Variants in ZNF568 observed in about 807,000 individuals in gnomAD.
The protein encoded by ZNF568 is zinc finger protein 568.
A neutral mutation model predicts 18.1 loss-of-function variants in ZNF568; 11 were observed. The ratio of observed to expected loss-of-function variants is 0.61; its 90% CI spans 0.38 to 1.00. The LOEUF is 1.00. Among genes scored for constraint, ZNF568 ranks in the 50% least tolerant of loss-of-function variants. ZNF568 has a pLI of 0.01. For missense variants in ZNF568, 639 were observed against 768.2 expected (o/e 0.83, Z 1.99); for synonymous variants, 213 against 246.6 (o/e 0.86, Z 1.28).
chr19:36,958,862 C>G lies in ZNF568; in HGVS notation c.359-15558C>G, dbSNP rs1479621089. Among the ~76,000 whole-genome samples the G allele has an allele frequency of 2.0e-5, 3 of 151,900 alleles. No individual in the cohort carries two copies. The East Asian group carries it at 5.8e-4, about 29-fold the overall frequency. On this transcript the variant is annotated intron_variant, in intron 6 of 7. Transcript: ENST00000427117. Reference sequence around the variant, plus strand: ...TCTCAAACTCCTGACCTCAAGTGATCGAACCTCCTCGGCCTCCCAAAGTGC... The same window carrying G: ...TCTCAAACTCCTGACCTCAAGTGATGGAACCTCCTCGGCCTCCCAAAGTGC...
rs200880642 is a variant in ZNF568 at position 36,933,898 on chromosome 19, G to GTTTTTTTT, written c.136-2848_136-2847insTTTTTTTT. 3.9e-4 allele frequency among the ~76,000 whole-genome samples: 10 copies of GTTTTTTTT among 25,768 alleles called. 1 individual carries two copies. The highest frequency in any genetic ancestry group is 2.0e-3 in the African/African-American group (7 of 3,560). 16.9% of individuals were successfully genotyped at this position (25,768 alleles called of 152,430 possible). A position where few individuals can be genotyped will look rare whatever the true frequency, so the allele number is the denominator to read the frequency against. On this transcript the variant is annotated intron_variant, in intron 4 of 6. Transcript: ENST00000333987. ...TAGGCCTGAGTTTTTCTTTTGGGTA[G>GTTTTTTTT]GTTTTTTTTTTTGTTTTGTTTTTTT... is the stretch of plus-strand genomic sequence containing the variant.
Position 36,951,001 on chromosome 19 carries a change from T to A in ZNF568, c.1848T>A (p.Cys616Ter). 6.2e-7 allele frequency: 1 copy of A among 1,613,294 alleles called. No individual in the cohort carries two copies. The highest frequency in any genetic ancestry group is 8.5e-7 in the Non-Finnish European group (1 of 1,179,724). Residue 616 changes from cysteine to a stop codon, truncating the protein, a stop_gained, in exon 7 of 7, where the codon TGT becomes TGA. Coordinates refer to ENST00000333987, the MANE Select transcript of ZNF568 (RefSeq NM_198539.4). LOFTEE classifies it low-confidence loss of function (END_TRUNC). ...ATACTGGTGAGAAACCCTTTGAATG[T>A]AATGAATGTGGGAAAGCATTCTCTC... ...RSHTGEKPFE[C>*]NECGKAFSQR...
At position 36,949,888 on chromosome 19, in the gene ZNF568, T is replaced by C; in HGVS notation, c.735T>C (p.Ala245=). 6.2e-7 allele frequency: 1 copy of C among 1,613,924 alleles called. No homozygotes were observed. Among genetic ancestry groups the C allele is most frequent in the African/African-American group, 1.3e-5 (1 of 75,040 alleles). ...TCATTAGACATGAGCGAATTCATGC[T>C]GGAGAGAAACCTTACGAATGTAAAG... The part of the protein sequence containing the change: ...FDLIRHERIH[A]GEKPYECKEC... Residue 245 remains alanine (A), a synonymous_variant, in exon 7 of 7, where the codon GCT becomes GCC. Coordinates refer to ENST00000333987, the MANE Select transcript of ZNF568 (RefSeq NM_198539.4).
At chr19:36,991,618 A>G in intron 3 of ZNF568, 1 of 708,926 alleles carries the variant, frequency 1.4e-6, no homozygotes, top group Non-Finnish European at 2.2e-6. Context: ...ATTAATGTTG[A>G]TTTATTGTGG....
chr19:36,957,081 A>G (rs1216623731), downstream of ZNF568, among the ~76,000 whole-genome samples: 24 of 152,104 alleles, frequency 1.6e-4, 1 homozygote, highest in Admixed American at 1.6e-3. Context: ...CTGGGTTCTC[A>G]TATCTGCTTC....
chr19:36,937,869 T>C (rs1366749781), intron 6 of ZNF568, among the ~76,000 whole-genome samples: 1 of 152,198 alleles, frequency 6.6e-6, no homozygotes, highest in African/African-American at 2.4e-5. Flanking sequence ...TGAAAAGATA[T>C]AACCAATGTA....
At chr19:36,952,915 A>G (rs1397167638), downstream of ZNF568, among the ~76,000 whole-genome samples, 4 of 152,218 alleles carry the variant, frequency 2.6e-5, no homozygotes, top group African/African-American at 9.6e-5. Flanking sequence ...TTATTATATA[A>G]TGTGAAATTA....
chr19:36,977,427 G>GT (rs2074295356), intron 7 of ZNF568, among the ~76,000 whole-genome samples: 1 of 135,138 alleles, frequency 7.4e-6, no homozygotes, highest in South Asian at 2.3e-4. Context: ...GTTTTGTTTT[G>GT]TTTTTTGTCC....
intron 6 of ZNF568, among the ~76,000 whole-genome samples, chr19:36,948,956 A>G (rs1274267788): frequency 1.3e-5 from 2 of 152,022 alleles, no homozygotes; most frequent in African/African-American, 4.8e-5. Context: ...TTGCATCTTC[A>G]TGATACTTTG....
At chr19:36,989,324 A>G (rs1210443666) in intron 2 of ZNF568, among the ~76,000 whole-genome samples, 1 of 152,134 alleles carries the variant, frequency 6.6e-6, no homozygotes, top group Non-Finnish European at 1.5e-5. Context: ...CTGGGATTAC[A>G]GGCACGTGCC....
chr19:36,996,942 T>C, exon 5 of ZNF568: 3 of 1,537,650 alleles, frequency 2.0e-6, no homozygotes, highest in Non-Finnish European at 2.6e-6. Context: ...AGAGGATCCA[T>C]ACTGATGAGA....
chr19:36,957,062 A>T (rs572265248), downstream of ZNF568, among the ~76,000 whole-genome samples: 1 of 152,272 alleles, frequency 6.6e-6, no homozygotes, highest in South Asian at 2.1e-4. Context: ...ATTACTTAAA[A>T]GTAGACAGCT....
At chr19:36,997,564 G>A (rs760468126), downstream of ZNF568, 1 of 1,584,304 alleles carries the variant, frequency 6.3e-7, no homozygotes, top group Non-Finnish European at 8.6e-7. Flanking sequence ...TAAGGAGTGT[G>A]GGAAGCCCTT....
Position 36,951,293 on chromosome 19 carries a change from C to A in ZNF568, c.*205C>A. The A allele has an allele frequency of 2.5e-6, 1 of 396,676 alleles. No individual in the cohort carries two copies. Among genetic ancestry groups the A allele is most frequent in the Non-Finnish European group, 4.3e-6 (1 of 231,158 alleles). The allele number at this position is 396,676 out of a possible 1,614,324, so 24.6% of individuals were successfully genotyped here. A position where few individuals can be genotyped will look rare whatever the true frequency, so the allele number is the denominator to read the frequency against. ...ATTCTGAAAATCTATAGACTGAATG[C>A]AGTTCCAAACAAAATCAACTAAGAA... is the stretch of plus-strand genomic sequence containing the variant. On this transcript the variant is annotated 3_prime_UTR_variant, in exon 7 of 7. Coordinates refer to ENST00000333987, the MANE Select transcript of ZNF568 (RefSeq NM_198539.4).
chr19:36,963,777 G>C (rs1006439129), intron 6 of ZNF568, among the ~76,000 whole-genome samples: 11 of 152,022 alleles, frequency 7.2e-5, no homozygotes, highest in African/African-American at 2.4e-4. Flanking sequence ...GACCATCCTA[G>C]CCAACATGGT....
intron 7 of ZNF568, among the ~76,000 whole-genome samples, chr19:36,974,883 G>C (rs181283293): frequency 1.1e-3 from 159 of 141,682 alleles, no homozygotes; most frequent in African/African-American, 4.1e-3. Flanking sequence ...CTGGAGTGCA[G>C]TGGTGTGATC....
At position 36,925,254 on chromosome 19, in the gene ZNF568, C is replaced by T. The variant is rs1568379987; in HGVS notation, c.131C>T (p.Pro44Leu). Reference sequence around the variant, plus strand: ...GAGGAAGAAGAGGATACAACCAGGCCTCTTGTACGTCTTAAGCATTTATTT... The same window carrying T: ...GAGGAAGAAGAGGATACAACCAGGCTTCTTGTACGTCTTAAGCATTTATTT... Reference protein sequence around the residue: ...LSEEEEDTTRPLETVTFKDVA... With the variant: ...LSEEEEDTTRLLETVTFKDVA... The change falls in exon 4 of 7, where the codon CCT becomes CTT. Residue 44 changes from proline to leucine, a missense_variant. Physicochemically the swap from Pro to Leu is moderately conservative, Grantham distance 98 (BLOSUM62 -3). Coordinates refer to ENST00000333987, the MANE Select transcript of ZNF568 (RefSeq NM_198539.4). 6.2e-7 allele frequency: 1 copy of T among 1,613,854 alleles called. No individual in the cohort carries two copies. Among genetic ancestry groups the T allele is most frequent in the East Asian group, 2.2e-5 (1 of 44,868 alleles).
chr19:36,924,133 T>A (rs1487918716), intron 3 of ZNF568, among the ~76,000 whole-genome samples: 7 of 152,156 alleles, frequency 4.6e-5, no homozygotes, highest in Non-Finnish European at 1.0e-4. Context: ...TTTAAAAATG[T>A]CATTAGAAAC....
chr19:36,996,299 T>C, intron 4 of ZNF568: 2 of 1,500,964 alleles, frequency 1.3e-6, no homozygotes, highest in Non-Finnish European at 8.8e-7. Context: ...TCCTATTTTC[T>C]TTCTTATTAT....
Sources: gnomAD v4.1 joint callset for allele counts (sites outside exome capture counted in the v4.1 genomes callset) on GRCh38, gnomAD v4.1.1 for gene constraint, MANE v1.5 for transcripts, NCBI Gene and HGNC (gene_info 2026-07-23, HGNC 2026-07-21) for gene names.